The following CHKA variants were observed in gnomAD, a reference collection of about 807,000 sequenced individuals.
The protein encoded by CHKA is CHETK-alpha.
A neutral mutation model predicts 60.1 loss-of-function variants in CHKA; 34 were observed. The observed-to-expected ratio is 0.57, with a 90% CI of 0.43 to 0.75. CHKA has a LOEUF of 0.75. Among genes scored for constraint, CHKA ranks in the 30% least tolerant of loss-of-function variants. The probability of loss-of-function intolerance (pLI) is 0.00; values close to 1 mark genes in which losing one functional copy is unlikely to be tolerated. For missense variants in CHKA, 563 were observed against 561.3 expected, an observed-to-expected ratio of 1.00 and a Z score of -0.03; for synonymous variants, 217 against 223.1, an observed-to-expected ratio of 0.97 and a Z score of 0.24.
intron 2 of CHKA, among the ~76,000 whole-genome samples, chr11:68,084,396 A>G (rs1220310731): frequency 3.3e-5 from 4 of 119,994 alleles, no homozygotes; most frequent in Non-Finnish European, 6.9e-5. Flanking sequence ...ATATACACAC[A>G]TATACGTATA....
At chr11:68,080,820 C>A (rs1407499635) in intron 3 of CHKA, among the ~76,000 whole-genome samples, 1 of 152,238 alleles carries the variant, frequency 6.6e-6, no homozygotes, top group Non-Finnish European at 1.5e-5. Context: ...GCATGCAGAC[C>A]AACACCCCAG....
chr11:68,083,204 T>C lies in CHKA; in HGVS notation c.463-1747A>G, dbSNP rs185206841. Reference sequence around the variant, plus strand: ...AATAAATGAACACTCCGGAGTGGTATAGCACGAGGCAAGTGAGCCCAACGA... The same window carrying C: ...AATAAATGAACACTCCGGAGTGGTACAGCACGAGGCAAGTGAGCCCAACGA... On this transcript the variant is annotated intron_variant, in intron 2 of 11. Coordinates refer to ENST00000265689, the MANE Select transcript of CHKA (RefSeq NM_001277.3). Among the ~76,000 whole-genome samples the C allele has an allele frequency of 9.2e-5, 14 of 152,202 alleles. 1 individual carries two copies. The East Asian group carries it at 1.9e-3, about 21-fold the overall frequency.
chr11:68,078,806 G>C (rs1856874362), intron 3 of CHKA, among the ~76,000 whole-genome samples: 1 of 151,940 alleles, frequency 6.6e-6, no homozygotes, highest in South Asian at 2.1e-4. Flanking sequence ...GGCTGAAAAA[G>C]ACTAAAGAGA....
chr11:68,065,897 G>T lies in CHKA; in HGVS notation c.1017-3C>A. 1.3e-6 allele frequency: 2 copies of T among 1,590,686 alleles called. No individual in the cohort carries two copies. Among genetic ancestry groups the T allele is most frequent in the Non-Finnish European group, 1.7e-6 (2 of 1,160,834 alleles). On this transcript the variant is annotated splice_region_variant and splice_polypyrimidine_tract_variant and intron_variant, in intron 8 of 11. Coordinates refer to ENST00000265689, the MANE Select transcript of CHKA (RefSeq NM_001277.3). The stretch of plus-strand genomic sequence containing the variant: ...AGTGATTTCCAATGTCGAATCCCCT[G>T]AAATAAGACATAAGACAGTGCACAC...
chr11:68,104,641 C>T (rs921290202), intron 1 of CHKA, among the ~76,000 whole-genome samples: 5 of 151,922 alleles, frequency 3.3e-5, no homozygotes, highest in South Asian at 2.1e-4. Context: ...CAGCTGGTCT[C>T]GAACTCCTGA....
Position 68,095,381 on chromosome 11 carries a change from C to T in CHKA, c.462+1638G>A, listed in dbSNP as rs1180274494. On this transcript the variant is annotated intron_variant, in intron 2 of 11. Coordinates refer to ENST00000265689, the MANE Select transcript of CHKA (RefSeq NM_001277.3). ...TTGCACCACTGCACTCCAGCCTGGG[C>T]AACAGAGCAAGACTCCATCTCAAAA... is the stretch of plus-strand genomic sequence containing the variant. Among the ~76,000 whole-genome samples, 278 of 77,854 alleles carry T rather than the reference C, an allele frequency of 3.6e-3. No individual in the cohort carries two copies. In the Middle Eastern group the frequency reaches 0.076, roughly 21 times the overall value. The allele number at this position is 77,854 out of a possible 152,430, so 51.1% of individuals were successfully genotyped here. A position where few individuals can be genotyped will look rare whatever the true frequency, so the allele number is the denominator to read the frequency against.
intron 6 of CHKA, among the ~76,000 whole-genome samples, chr11:68,069,453 G>A (rs1267406633): frequency 3.3e-5 from 5 of 152,210 alleles, no homozygotes; most frequent in East Asian, 1.9e-4. Flanking sequence ...TTGGGAGGCC[G>A]AGGTGGGCCG....
chr11:68,065,997 C>A (rs1856431191), intron 8 of CHKA, 103 bp from the exon 9 acceptor site: 1 of 719,686 alleles, frequency 1.4e-6, no homozygotes, highest in African/African-American at 1.8e-5. Flanking sequence ...CACGCCACTC[C>A]TGTTGCCATC....
intron 1 of CHKA, among the ~76,000 whole-genome samples, chr11:68,116,617 C>T (rs1213908978): frequency 9.2e-5 from 14 of 151,352 alleles, no homozygotes; most frequent in Admixed American, 5.3e-4. Context: ...CTCGGGAGGC[C>T]GAGGCAGGAG....
At chr11:68,095,946 A>C (rs370050259) in intron 2 of CHKA, among the ~76,000 whole-genome samples, 3 of 151,490 alleles carry the variant, frequency 2.0e-5, no homozygotes, top group Admixed American at 6.6e-5. Flanking sequence ...AAGCTGAGGC[A>C]GGAGAATGGC....
chr11:68,119,021 C>T (rs1472206876), intron 1 of CHKA, among the ~76,000 whole-genome samples: 1 of 152,200 alleles, frequency 6.6e-6, no homozygotes, highest in Non-Finnish European at 1.5e-5. Flanking sequence ...TCAGGCAAGT[C>T]ACTTCTCCTT....
At chr11:68,063,870 C>G (rs1300759355) in intron 10 of CHKA, among the ~76,000 whole-genome samples, 1 of 152,206 alleles carries the variant, frequency 6.6e-6, no homozygotes, top group African/African-American at 2.4e-5. Context: ...TCCCCTTTGC[C>G]TTCTGCTATG....
intron 4 of CHKA, among the ~76,000 whole-genome samples, chr11:68,072,578 T>C (rs1208881408): frequency 1.4e-5 from 2 of 143,352 alleles, no homozygotes; most frequent in Non-Finnish European, 3.0e-5. Flanking sequence ...AAAGCAAATC[T>C]AGAAATAACA....
intron 3 of CHKA, among the ~76,000 whole-genome samples, chr11:68,076,115 T>C (rs1321463227): frequency 2.0e-5 from 3 of 152,198 alleles, no homozygotes; most frequent in Non-Finnish European, 4.4e-5. Flanking sequence ...TGGGGGTAAA[T>C]GGATTTGCCG....
chr11:68,120,179 A>G (rs1308679907), intron 1 of CHKA, among the ~76,000 whole-genome samples: 1 of 150,080 alleles, frequency 6.7e-6, no homozygotes, highest in East Asian at 2.0e-4. Context: ...CAGTGAGCCG[A>G]GGTCGCGCCA....
intron 1 of CHKA, among the ~76,000 whole-genome samples, chr11:68,117,165 T>G (rs888561267): frequency 1.3e-5 from 2 of 152,048 alleles, no homozygotes; most frequent in Non-Finnish European, 2.9e-5. Context: ...GGAAAGAAAT[T>G]CAGTATGTCT....
Position 68,084,363 on chromosome 11 carries a change from C to CAT in CHKA, c.463-2908_463-2907dup, listed in dbSNP as rs536111775. 4.2e-3 allele frequency among the ~76,000 whole-genome samples: 478 copies of CAT among 114,998 alleles called. 2 individuals are homozygous for CAT. Among genetic ancestry groups the CAT allele is most frequent in the African/African-American group, 0.011 (321 of 30,230 alleles). The allele number at this position is 114,998 out of a possible 152,430, so 75.4% of individuals were successfully genotyped here. ...ATATATATGTGTATATATATATACACATATATACGTATATGTGTATATATA... is the reference window on the plus strand; with the variant it reads ...ATATATATGTGTATATATATATACACATATATATACGTATATGTGTATATATA... On this transcript the variant is annotated intron_variant, in intron 2 of 11. Coordinates refer to ENST00000265689, the MANE Select transcript of CHKA (RefSeq NM_001277.3).
In CHKA at chr11:68,066,424, A is replaced by G. The variant is rs369382936; in HGVS notation, c.1016+5T>C. ...AGATGGAAACACTGGACTGTAACAC[A>G]GTACCTGTAATTGTAACTGCTGTAT... On this transcript the variant is annotated splice_donor_5th_base_variant and intron_variant, in intron 8 of 11. Coordinates refer to ENST00000265689, the MANE Select transcript of CHKA (RefSeq NM_001277.3). 6.3e-7 allele frequency: 1 copy of G among 1,598,154 alleles called. No individual in the cohort carries two copies. The highest frequency in any genetic ancestry group is 8.6e-7 in the Non-Finnish European group (1 of 1,165,404).
chr11:68,066,325 A>G, intron 8 of CHKA, 104 bp downstream of exon 8: 1 of 965,076 alleles, frequency 1.0e-6, no homozygotes, highest in South Asian at 1.5e-5. Context: ...GCAGCTTGCA[A>G]CTCAGAGCGG....
Sources: gnomAD v4.1 joint callset for allele counts (sites outside exome capture counted in the v4.1 genomes callset) on GRCh38, gnomAD v4.1.1 for gene constraint, MANE v1.5 for transcripts, NCBI Gene and HGNC (gene_info 2026-07-23, HGNC 2026-07-21) for gene names.